The following FBXL2 variants were observed in gnomAD, a reference collection of about 807,000 sequenced individuals.
FBXL2 encodes F-box and leucine rich repeat protein 2.
Under a neutral mutation model 69.2 loss-of-function variants are expected in FBXL2, and 38 were observed. The ratio of observed to expected loss-of-function variants is 0.55; its 90% CI spans 0.42 to 0.72. FBXL2 has a LOEUF of 0.72. Ranked by LOEUF, FBXL2 falls within the 30% of genes least tolerant of loss-of-function variation. The pLI is 0.00. For missense variants in FBXL2, 354 were observed against 520.3 expected (o/e 0.68, Z 3.11); for synonymous variants, 192 against 201.3 (o/e 0.95, Z 0.39).
intron 2 of FBXL2, among the ~76,000 whole-genome samples, chr3:33,353,372 G>A (rs572229327): frequency 6.6e-6 from 1 of 152,296 alleles, no homozygotes; most frequent in South Asian, 2.1e-4. Context: ...CAAACTAGAA[G>A]CAACTAAGAT....
chr3:33,348,233 T>G (rs1008877553), intron 2 of FBXL2, among the ~76,000 whole-genome samples: 5 of 152,160 alleles, frequency 3.3e-5, no homozygotes, highest in African/African-American at 1.2e-4. Context: ...GTTTCATTCT[T>G]CTGCATATGG....
At chr3:33,411,031 C>T in the FBXL2 span, among the ~76,000 whole-genome samples, 2 of 151,050 alleles carry the variant, frequency 1.3e-5, no homozygotes, top group Non-Finnish European at 2.9e-5. Flanking sequence ...CGAGATCATG[C>T]CACTGTATTC....
chr3:33,294,174 GTGGGCTCAATCTCC>G (rs1041224567), intron 1 of FBXL2, among the ~76,000 whole-genome samples: 2 of 152,098 alleles, frequency 1.3e-5, no homozygotes, highest in African/African-American at 4.8e-5. Context: ...ATAGCTCACT[GTGGGCTCAATCTCC>G]TGGGCTCAAG....
the FBXL2 span, among the ~76,000 whole-genome samples, chr3:33,416,995 T>TCA: frequency 3.9e-5 from 6 of 152,208 alleles, no homozygotes; most frequent in Admixed American, 3.3e-4. Flanking sequence ...TCCCTGAAAA[T>TCA]CACACCAACC....
chr3:33,420,325 A>G, the FBXL2 span, among the ~76,000 whole-genome samples: 1 of 152,060 alleles, frequency 6.6e-6, no homozygotes, highest in Non-Finnish European at 1.5e-5. Context: ...TACTTTATTA[A>G]CATTCTTTTT....
chr3:33,353,038 T>C (rs1193093484), intron 2 of FBXL2, among the ~76,000 whole-genome samples: 1 of 152,210 alleles, frequency 6.6e-6, no homozygotes, highest in Non-Finnish European at 1.5e-5. Context: ...AAAAGATGCT[T>C]AATATGATAT....
At chr3:33,383,048 G>A (rs1300646845) in intron 13 of FBXL2, 1 of 152,148 alleles carries the variant, frequency 6.6e-6, no homozygotes, top group Non-Finnish European at 1.5e-5. Flanking sequence ...CAACTCAGTG[G>A]TCTGTTCCCC....
At chr3:33,408,461 A>C (rs2154057098), downstream of FBXL2, among the ~76,000 whole-genome samples, 1 of 152,272 alleles carries the variant, frequency 6.6e-6, no homozygotes, top group African/African-American at 2.4e-5. Flanking sequence ...TCCCTCCAAA[A>C]CCACCCAATA....
At chr3:33,316,340 T>TGAGCCACCACGCC (rs1391097308) in intron 2 of FBXL2, among the ~76,000 whole-genome samples, 1 of 152,104 alleles carries the variant, frequency 6.6e-6, no homozygotes, top group Admixed American at 6.6e-5. Flanking sequence ...ATTACAGGCA[T>TGAGCCACCACGCC]GAGCCACCAC....
chr3:33,326,280 C>T (rs530399233), intron 2 of FBXL2, among the ~76,000 whole-genome samples: 5 of 152,144 alleles, frequency 3.3e-5, no homozygotes, highest in African/African-American at 9.6e-5. Context: ...GTGGGTGGAT[C>T]ACAAGGTCAG....
At chr3:33,344,649 C>G (rs914664891) in intron 2 of FBXL2, among the ~76,000 whole-genome samples, 4 of 151,902 alleles carry the variant, frequency 2.6e-5, no homozygotes, top group African/African-American at 9.7e-5. Flanking sequence ...AACTGAAAAT[C>G]AATTACTTGA....
intron 5 of FBXL2, among the ~76,000 whole-genome samples, chr3:33,368,027 C>T (rs77313874): frequency 0.014 from 2,180 of 152,210 alleles, 54 homozygotes; most frequent in African/African-American, 0.05. Context: ...CAGAAGAGCA[C>T]GTTAATGATT....
At chr3:33,400,906 A>C in intron 12 of FBXL2, 1 of 1,546,040 alleles carries the variant, frequency 6.5e-7, no homozygotes, top group Non-Finnish European at 8.7e-7. Flanking sequence ...AAAAACCAAA[A>C]CTTTAAAATG....
intron 2 of FBXL2, among the ~76,000 whole-genome samples, chr3:33,328,344 A>G (rs2038873073): frequency 6.6e-6 from 1 of 152,208 alleles, no homozygotes; most frequent in South Asian, 2.1e-4. Flanking sequence ...AGAAATAGAA[A>G]AAAATCCTAA....
the FBXL2 span, among the ~76,000 whole-genome samples, chr3:33,420,400 A>C: frequency 6.6e-6 from 1 of 151,830 alleles, no homozygotes; most frequent in Non-Finnish European, 1.5e-5. Context: ...ATCTGGGCTC[A>C]CTGCAACCTC....
intron 2 of FBXL2, among the ~76,000 whole-genome samples, chr3:33,355,941 C>T (rs189644774): frequency 4.3e-4 from 66 of 152,220 alleles, no homozygotes; most frequent in East Asian, 2.7e-3. Context: ...AGTATTGCCA[C>T]GCCTATTTGT....
intron 12 of FBXL2, chr3:33,401,104 T>A: frequency 1.6e-6 from 2 of 1,270,348 alleles, no homozygotes; most frequent in Non-Finnish European, 2.2e-6. Flanking sequence ...GCATTGTAAC[T>A]ATGCAAATTT....
In FBXL2 at chr3:33,377,184, G is replaced by T; in HGVS notation, c.789-89G>T. ...AGAGGCAAAAGCATGTCAAAGAGCA[G>T]AAAAGACTCAAGTATGCATCATAAA... On this transcript the variant is annotated intron_variant, in intron 10 of 14. Coordinates refer to ENST00000484457, the MANE Select transcript of FBXL2 (RefSeq NM_012157.5). 5 of 1,278,800 alleles carry T rather than the reference G, an allele frequency of 3.9e-6. No homozygotes were observed. In the South Asian group the frequency reaches 4.8e-5, roughly 12 times the overall value. 79.2% of individuals were successfully genotyped at this position (1,278,800 alleles called of 1,614,324 possible). A position where few individuals can be genotyped will look rare whatever the true frequency, so the allele number is the denominator to read the frequency against.
At chr3:33,286,755 G>T (rs1164508940) in intron 1 of FBXL2, among the ~76,000 whole-genome samples, 1 of 152,200 alleles carries the variant, frequency 6.6e-6, no homozygotes, top group Non-Finnish European at 1.5e-5. Flanking sequence ...CTCTCCTCCA[G>T]CTTCTCTCCT....
Sources: allele counts gnomAD v4.1 joint callset (sites outside exome capture counted in the v4.1 genomes callset), GRCh38; gene constraint gnomAD v4.1.1; transcripts MANE v1.5; gene names NCBI Gene and HGNC (gene_info 2026-07-23, HGNC 2026-07-21).